HDX: variants seen among roughly 807,000 people sequenced by gnomAD.
HDX encodes the protein highly divergent homeobox.
HDX carries 19 observed loss-of-function variants against 45.2 expected under a neutral mutation model. The observed-to-expected ratio is 0.42, with a 90% confidence interval of 0.29 to 0.62. The LOEUF (loss-of-function observed/expected upper bound fraction) is 0.62, where lower values mean the gene tolerates loss of function less well. Among genes scored for constraint, HDX ranks in the 20% least tolerant of loss-of-function variants. HDX has a pLI of 0.20. For missense variants in HDX, 532 were observed against 493.9 expected, an observed-to-expected ratio of 1.08 and a Z score of -0.73; for synonymous variants, 188 against 172.8, an observed-to-expected ratio of 1.09 and a Z score of -0.69.
chrX:84,478,179 C>G (rs1266257681), intron 2 of HDX, among the ~76,000 whole-genome samples: 1 of 111,683 alleles, frequency 9.0e-6, no homozygotes, highest in Non-Finnish European at 1.9e-5. Flanking sequence ...CAACTAGGCT[C>G]TTAAGTTTAT....
intron 1 of HDX, among the ~76,000 whole-genome samples, chrX:84,491,314 C>T (rs9887719): frequency 0.027 from 2,971 of 111,464 alleles, 71 homozygotes; most frequent in African/African-American, 0.086. Flanking sequence ...AGCTAATCTG[C>T]TGTTAAAACT....
intron 5 of HDX, among the ~76,000 whole-genome samples, chrX:84,419,842 G>A (rs1220968704): frequency 8.9e-6 from 1 of 112,107 alleles, no homozygotes; most frequent in African/African-American, 3.2e-5. Context: ...TTGCTTGGGA[G>A]AAAGTAAGGC....
intron 5 of HDX, among the ~76,000 whole-genome samples, chrX:84,370,439 T>G (rs954274305): frequency 1.3e-4 from 15 of 111,644 alleles, no homozygotes; most frequent in Non-Finnish European, 3.8e-5. Context: ...ATAAACCACT[T>G]ACCATCACAA....
intron 5 of HDX, among the ~76,000 whole-genome samples, chrX:84,428,852 T>G (rs769048720): frequency 9.0e-6 from 1 of 110,901 alleles, no homozygotes. Context: ...GTAGTTCCTA[T>G]GATTATGTCT....
intron 10 of HDX, 136 bp downstream of exon 10, chrX:84,326,042 G>T: frequency 1.7e-6 from 1 of 595,466 alleles, no homozygotes; most frequent in African/African-American, 2.3e-5. Flanking sequence ...GTTTGCAAAG[G>T]TCATGAAATA....
intron 6 of HDX, among the ~76,000 whole-genome samples, chrX:84,352,539 G>A (rs997558146): frequency 9.0e-6 from 1 of 111,152 alleles, no homozygotes; most frequent in Non-Finnish European, 1.9e-5. Context: ...AGGCACATGA[G>A]ACATTTTGGT....
intron 5 of HDX, among the ~76,000 whole-genome samples, chrX:84,391,216 C>T (rs2038433846): frequency 1.8e-5 from 2 of 111,733 alleles, no homozygotes; most frequent in African/African-American, 3.2e-5. Context: ...TATTTTTGTG[C>T]CTGGCTTATC....
At chrX:84,438,018 G>A (rs1477671093) in intron 5 of HDX, among the ~76,000 whole-genome samples, 1 of 110,900 alleles carries the variant, frequency 9.0e-6, no homozygotes, top group Non-Finnish European at 1.9e-5. Flanking sequence ...CTCACTTCAT[G>A]TTGTTCTTGA....
intron 6 of HDX, among the ~76,000 whole-genome samples, chrX:84,356,959 T>G (rs773373402): frequency 1.8e-5 from 2 of 111,070 alleles, no homozygotes; most frequent in South Asian, 3.9e-4. Flanking sequence ...GGAGTGTATG[T>G]TTTTAAAGAG....
At chrX:84,495,265 C>T (rs898260960) in intron 1 of HDX, among the ~76,000 whole-genome samples, 4 of 111,034 alleles carry the variant, frequency 3.6e-5, no homozygotes, top group Non-Finnish European at 7.6e-5. Flanking sequence ...AGAATAAGTT[C>T]AAGAGATCTA....
intron 5 of HDX, among the ~76,000 whole-genome samples, chrX:84,435,494 T>A (rs2039605140): frequency 9.1e-6 from 1 of 110,414 alleles, no homozygotes; most frequent in Non-Finnish European, 1.9e-5. Context: ...GCGAAAATTT[T>A]CTCCCACGTT....
At chrX:84,332,593 C>G (rs944738454) in intron 9 of HDX, among the ~76,000 whole-genome samples, 10 of 111,046 alleles carry the variant, frequency 9.0e-5, no homozygotes, top group African/African-American at 3.3e-4. Flanking sequence ...GCACTCTTAA[C>G]AGCTGTGCAA....
At position 84,419,379 on chromosome X, in the gene HDX, C is replaced by T. The variant is rs760061088; in HGVS notation, c.1305+21153G>A. Among the ~76,000 whole-genome samples the T allele has an allele frequency of 4.5e-5, 5 of 111,888 alleles. No homozygotes were observed. In the South Asian group the frequency reaches 1.5e-3, roughly 34 times the overall value. ...TTAAGAGCCCTTGGGCCTTAAGGAA[C>T]ATTAGTGGCAGTCTGGTAGCATTTC... On this transcript the variant is annotated intron_variant, in intron 5 of 10. Transcript: ENST00000373177.
At chrX:84,322,567 A>T (rs1253765932) in intron 10 of HDX, among the ~76,000 whole-genome samples, 1 of 110,889 alleles carries the variant, frequency 9.0e-6, no homozygotes, top group Admixed American at 9.6e-5. Context: ...GGCTATGTTC[A>T]TACCTACAGA....
At chrX:84,474,221 G>A (rs753577323) in intron 3 of HDX, among the ~76,000 whole-genome samples, 214 of 111,873 alleles carry the variant, frequency 1.9e-3, no homozygotes, top group African/African-American at 6.6e-3. Flanking sequence ...GAACCTGGGA[G>A]AGGGAGGTTG....
At chrX:84,451,364 C>T (rs2039992791) in intron 4 of HDX, among the ~76,000 whole-genome samples, 1 of 110,485 alleles carries the variant, frequency 9.1e-6, no homozygotes, top group Admixed American at 9.6e-5. Context: ...TACAGAAATA[C>T]AAAAGATCAT....
At chrX:84,407,157 A>G (rs748060991) in intron 5 of HDX, among the ~76,000 whole-genome samples, 1 of 111,294 alleles carries the variant, frequency 9.0e-6, no homozygotes, top group South Asian at 3.9e-4. Context: ...ATTTCGCCAC[A>G]GAGATAATAA....
At chrX:84,346,110 A>G (rs969339674) in intron 6 of HDX, among the ~76,000 whole-genome samples, 7 of 110,573 alleles carry the variant, frequency 6.3e-5, no homozygotes, top group Non-Finnish European at 1.3e-4. Context: ...AACACTGCTC[A>G]AAAAAAGGAT....
rs1215115158 is a variant in HDX, at chrX:84,476,049, TAAAC to T, written c.1-656_1-653del. On this transcript the variant is annotated intron_variant, in intron 2 of 10. Coordinates refer to ENST00000373177, the MANE Select transcript of HDX (RefSeq NM_001177479.2). ...AAAATTATATACATTTTACTCAAAA[TAAAC>T]CATGTTAAAACTATGTACCTTTTAA... Among the ~76,000 whole-genome samples the T allele has an allele frequency of 8.9e-5, 10 of 111,766 alleles. No individual in the cohort carries two copies. The Admixed American group carries it at 9.6e-4, about 11-fold the overall frequency.
Sources: allele counts gnomAD v4.1 joint callset (sites outside exome capture counted in the v4.1 genomes callset), GRCh38; gene constraint gnomAD v4.1.1; transcripts MANE v1.5; gene names NCBI Gene and HGNC (gene_info 2026-07-23, HGNC 2026-07-21).